Variants in GRIP1 observed in about 807,000 individuals in gnomAD.
The protein encoded by GRIP1 is glutamate receptor interacting protein 1, also known as glutamate receptor-interacting protein 1.
Under a neutral mutation model 129.9 loss-of-function variants are expected in GRIP1, and 45 were observed. The ratio of observed to expected loss-of-function variants is 0.35; its 90% CI spans 0.27 to 0.44. The LOEUF is 0.44. Ranked by LOEUF, GRIP1 falls within the 20% of genes least tolerant of loss-of-function variation. GRIP1 has a pLI of 1.00. For missense variants in GRIP1, 1,196 were observed against 1,396.8 expected, an observed-to-expected ratio of 0.86 and a Z score of 2.29; for synonymous variants, 530 against 520.8, an observed-to-expected ratio of 1.02 and a Z score of -0.24.
At chr12:66,791,693 T>C (rs1311765422) in intron 1 of GRIP1, among the ~76,000 whole-genome samples, 1 of 152,166 alleles carries the variant, frequency 6.6e-6, no homozygotes, top group Non-Finnish European at 1.5e-5. Flanking sequence ...ATTAGATATG[T>C]ATTATTTCAG....
chr12:66,908,961 G>A (rs1233362170), intron 1 of GRIP1, among the ~76,000 whole-genome samples: 1 of 152,120 alleles, frequency 6.6e-6, no homozygotes, highest in Non-Finnish European at 1.5e-5. Context: ...CCTCAATGGA[G>A]GAGCTTAGAC....
chr12:66,432,346 T>C (rs966439209), intron 14 of GRIP1, among the ~76,000 whole-genome samples: 5 of 152,134 alleles, frequency 3.3e-5, no homozygotes, highest in African/African-American at 1.2e-4. Context: ...GATGAAGAAA[T>C]ATAAGATTGG....
At chr12:66,601,604 C>T (rs986748222) in intron 1 of GRIP1, among the ~76,000 whole-genome samples, 7 of 152,176 alleles carry the variant, frequency 4.6e-5, no homozygotes, top group African/African-American at 7.2e-5. Flanking sequence ...TTCCTAGCAA[C>T]TAATTATGCA....
At chr12:66,480,858 T>C (rs571250736) in intron 7 of GRIP1, among the ~76,000 whole-genome samples, 1 of 152,272 alleles carries the variant, frequency 6.6e-6, no homozygotes, top group East Asian at 1.9e-4. Flanking sequence ...TGGCTAGCCA[T>C]ACACAGAAAA....
At chr12:66,514,610 A>C (rs1339793140) in intron 7 of GRIP1, among the ~76,000 whole-genome samples, 1 of 152,116 alleles carries the variant, frequency 6.6e-6, no homozygotes, top group Non-Finnish European at 1.5e-5. Context: ...GGGAGGCGAT[A>C]TTCATTTGTG....
chr12:66,670,866 T>C (rs17779680), intron 1 of GRIP1, among the ~76,000 whole-genome samples: 32,641 of 152,010 alleles, frequency 0.21, 3,741 homozygotes, highest in Non-Finnish European at 0.25. Context: ...AGGAAGGCTA[T>C]AGCAGTTTCA....
chr12:66,964,265 T>C (rs1418559649), intron 1 of GRIP1, among the ~76,000 whole-genome samples: 1 of 152,146 alleles, frequency 6.6e-6, no homozygotes, highest in Admixed American at 6.6e-5. Flanking sequence ...GCCAGAAATA[T>C]ACCAGTTAAC....
chr12:67,055,360 C>T (rs761572594), intron 1 of GRIP1, among the ~76,000 whole-genome samples: 14 of 145,750 alleles, frequency 9.6e-5, no homozygotes, highest in African/African-American at 2.8e-4. Context: ...AAGAGTACAC[C>T]GTTAGGCTTC....
At chr12:66,446,500 G>C (rs2058633783) in intron 11 of GRIP1, among the ~76,000 whole-genome samples, 1 of 152,182 alleles carries the variant, frequency 6.6e-6, no homozygotes, top group Non-Finnish European at 1.5e-5. Flanking sequence ...GTGGCAGGAA[G>C]ACAGGTTCAT....
intron 1 of GRIP1, among the ~76,000 whole-genome samples, chr12:66,810,634 C>T (rs1432687917): frequency 6.6e-6 from 1 of 152,016 alleles, no homozygotes; most frequent in Admixed American, 6.6e-5. Context: ...CGTTTGTAAC[C>T]ACGTCTCCCT....
chr12:67,037,419 A>G (rs371142608), intron 1 of GRIP1: 10 of 151,234 alleles, frequency 6.6e-5, no homozygotes, highest in East Asian at 3.9e-4. Flanking sequence ...TCAGAAGCCA[A>G]TTCTTGAAGT....
At chr12:66,690,683 T>C (rs1040798100) in intron 1 of GRIP1, among the ~76,000 whole-genome samples, 3 of 150,782 alleles carry the variant, frequency 2.0e-5, no homozygotes, top group Non-Finnish European at 4.4e-5. Context: ...CTAAGCAACA[T>C]AGCGAGACCT....
At chr12:66,558,813 T>C (rs2062421082) in intron 2 of GRIP1, among the ~76,000 whole-genome samples, 1 of 151,996 alleles carries the variant, frequency 6.6e-6, no homozygotes, top group Non-Finnish European at 1.5e-5. Context: ...GAGAGAATAC[T>C]TCAGAACTCA....
At position 66,972,225 on chromosome 12, in the gene GRIP1, C is replaced by T. The variant is rs1056077305; in HGVS notation, c.58+96825G>A. On this transcript the variant is annotated intron_variant, in intron 1 of 1. Transcript: ENST00000643019. Reference sequence around the variant, plus strand: ...ACACCCTAAGGTTCTGGGTAGGAAACTCTTCTACATCACTCCAAAAAGTAG... The same window carrying T: ...ACACCCTAAGGTTCTGGGTAGGAAATTCTTCTACATCACTCCAAAAAGTAG... Among the ~76,000 whole-genome samples, 65 of 152,316 alleles carry T rather than the reference C, an allele frequency of 4.3e-4. 1 individual carries two copies. The highest frequency in any genetic ancestry group is 1.5e-3 in the African/African-American group (61 of 41,580).
At chr12:66,998,502 G>A (rs932812744) in intron 1 of GRIP1, among the ~76,000 whole-genome samples, 7 of 151,980 alleles carry the variant, frequency 4.6e-5, no homozygotes, top group Admixed American at 4.6e-4. Context: ...AATCACAAAT[G>A]GGCACTAAGA....
intron 1 of GRIP1, among the ~76,000 whole-genome samples, chr12:66,803,644 G>A (rs960370288): frequency 2.6e-5 from 4 of 152,188 alleles, no homozygotes; most frequent in African/African-American, 9.7e-5. Context: ...TGTATCAGGA[G>A]CATTAAGCAT....
At chr12:66,825,628 CCAGGATTAAATG>C (rs1183182044) in intron 1 of GRIP1, among the ~76,000 whole-genome samples, 1 of 152,144 alleles carries the variant, frequency 6.6e-6, no homozygotes, top group East Asian at 1.9e-4. Flanking sequence ...CTAGCTGCTT[CCAGGATTAAATG>C]AATGTACAGT....
intron 1 of GRIP1, among the ~76,000 whole-genome samples, chr12:67,029,380 C>G (rs916120835): frequency 1.3e-5 from 2 of 152,090 alleles, no homozygotes; most frequent in Non-Finnish European, 2.9e-5. Flanking sequence ...TCCCAAAGTG[C>G]CAGGATTACA....
intron 1 of GRIP1, among the ~76,000 whole-genome samples, chr12:66,815,550 C>T (rs1163722954): frequency 6.6e-6 from 1 of 152,044 alleles, no homozygotes; most frequent in African/African-American, 2.4e-5. Context: ...TACTTGAGCC[C>T]AGGAGTTCAA....
Sources: gnomAD v4.1 joint callset for allele counts (sites outside exome capture counted in the v4.1 genomes callset) on GRCh38, gnomAD v4.1.1 for gene constraint, MANE v1.5 for transcripts, NCBI Gene and HGNC (gene_info 2026-07-23, HGNC 2026-07-21) for gene names.